Variants in ZNF10 observed in about 807,000 individuals in gnomAD.
The protein encoded by ZNF10 is zinc finger protein 10.
Under a neutral mutation model 12.2 loss-of-function variants are expected in ZNF10, and 8 were observed. The ratio of observed to expected loss-of-function variants is 0.66; its 90% CI spans 0.39 to 1.18. The LOEUF (loss-of-function observed/expected upper bound fraction) is 1.18, where lower values mean the gene tolerates loss of function less well. Among genes scored for constraint, ZNF10 ranks in the 50% most tolerant of loss-of-function variants. The pLI is 0.01. For synonymous variants in ZNF10, 229 were observed against 228.2 expected, an observed-to-expected ratio of 1.00 and a Z score of -0.03; for missense variants, 603 against 678.9, an observed-to-expected ratio of 0.89 and a Z score of 1.24.
At chr12:133,142,558 A>G (rs1288223237) in intron 1 of ZNF10, among the ~76,000 whole-genome samples, 1 of 152,226 alleles carries the variant, frequency 6.6e-6, no homozygotes, top group Non-Finnish European at 1.5e-5. Context: ...ACATTCCTGT[A>G]AAGAAGATAT....
At chr12:133,151,208 A>G (rs1425421866) in intron 3 of ZNF10, 54 bp downstream of exon 3, 4 of 1,560,724 alleles carry the variant, frequency 2.6e-6, no homozygotes, top group Non-Finnish European at 3.5e-6. Flanking sequence ...CAAAAGGTAC[A>G]GAGACCCTGA....
intron 1 of ZNF10, among the ~76,000 whole-genome samples, chr12:133,134,144 C>CAAAAAAAAAAAAAA (rs35470467): frequency 1.5e-5 from 1 of 68,066 alleles, no homozygotes; most frequent in African/African-American, 4.1e-5. Flanking sequence ...ACTAAAAATA[C>CAAAAAAAAAAAAAA]AAAAAAAAAA....
intron 1 of ZNF10, among the ~76,000 whole-genome samples, chr12:133,142,158 C>T (rs1408760492): frequency 3.3e-5 from 5 of 152,204 alleles, no homozygotes; most frequent in Non-Finnish European, 7.3e-5. Context: ...CGCGGTGGCT[C>T]ACGCCTGTAA....
chr12:133,150,594 A>G (rs1185594756), intron 2 of ZNF10, among the ~76,000 whole-genome samples: 2 of 151,662 alleles, frequency 1.3e-5, no homozygotes, highest in African/African-American at 2.4e-5. Context: ...GTACCTACCA[A>G]TAGTCATGAA....
At chr12:133,141,462 CTG>C (rs1287787018) in intron 1 of ZNF10, among the ~76,000 whole-genome samples, 1 of 151,912 alleles carries the variant, frequency 6.6e-6, no homozygotes, top group Non-Finnish European at 1.5e-5. Context: ...TTAGTTATAA[CTG>C]TATTTCGTAT....
At chr12:133,139,581 C>A (rs906391982) in intron 1 of ZNF10, among the ~76,000 whole-genome samples, 1 of 152,096 alleles carries the variant, frequency 6.6e-6, no homozygotes, top group African/African-American at 2.4e-5. Flanking sequence ...TGCAAACACT[C>A]ATTGGAGTGA....
At chr12:133,152,445 C>T in intron 4 of ZNF10, among the ~76,000 whole-genome samples, 1 of 152,126 alleles carries the variant, frequency 6.6e-6, no homozygotes, top group South Asian at 2.1e-4. Context: ...GATGGAGTTT[C>T]ACTCAGTCTC....
intron 1 of ZNF10, among the ~76,000 whole-genome samples, chr12:133,140,021 T>C (rs1270994882): frequency 6.6e-6 from 1 of 151,556 alleles, no homozygotes; most frequent in Non-Finnish European, 1.5e-5. Flanking sequence ...CTGGGCAACA[T>C]AGTGAGACCC....
rs555362034 is a variant in ZNF10 at position 133,152,036 on chromosome 12, C to G, written c.256+132C>G. On this transcript the variant is annotated intron_variant, in intron 4 of 4. Transcript: ENST00000248211. ...TGGGAAGACTGAGTTTATCTGGCCCCTGTTTCCCCACTGCCAGTCTTTACA... is the reference window on the plus strand; with the variant it reads ...TGGGAAGACTGAGTTTATCTGGCCCGTGTTTCCCCACTGCCAGTCTTTACA... The G allele has an allele frequency of 9.4e-6, 6 of 636,864 alleles. No individual in the cohort carries two copies. In the South Asian group the frequency reaches 9.6e-5, roughly 10 times the overall value. The allele number at this position is 636,864 out of a possible 1,614,324, so 39.5% of individuals were successfully genotyped here. A position where few individuals can be genotyped will look rare whatever the true frequency, so the allele number is the denominator to read the frequency against.
intron 1 of ZNF10, among the ~76,000 whole-genome samples, chr12:133,139,518 AG>A (rs1165950491): frequency 6.6e-6 from 1 of 152,226 alleles, no homozygotes; most frequent in Non-Finnish European, 1.5e-5. Context: ...GGAGACCAAA[AG>A]GGAATTTTAA....
At chr12:133,150,394 C>A (rs1459618791) in intron 2 of ZNF10, among the ~76,000 whole-genome samples, 2 of 152,222 alleles carry the variant, frequency 1.3e-5, no homozygotes, top group Non-Finnish European at 2.9e-5. Flanking sequence ...CATTATTCCA[C>A]TGTCTTCTGA....
chr12:133,150,217 G>A (rs1347657443), intron 2 of ZNF10, among the ~76,000 whole-genome samples: 1 of 152,122 alleles, frequency 6.6e-6, no homozygotes, highest in African/African-American at 2.4e-5. Flanking sequence ...CCTTCTGCCT[G>A]AAGAACTTCC....
intron 2 of ZNF10, among the ~76,000 whole-genome samples, chr12:133,147,336 C>G (rs940681540): frequency 6.6e-6 from 1 of 152,136 alleles, no homozygotes; most frequent in Non-Finnish European, 1.5e-5. Context: ...GCAAATTTTC[C>G]AAAGTGGTTG....
chr12:133,155,813 C>T lies in ZNF10; in HGVS notation c.567C>T (p.Asp189=). 1 of 1,613,806 alleles carries T rather than the reference C, an allele frequency of 6.2e-7. No individual in the cohort carries two copies. The highest frequency in any genetic ancestry group is 1.7e-4 in the Middle Eastern group (1 of 6,060). The change falls in exon 5 of 5, where the codon GAC becomes GAT. Residue 189 remains aspartate (D), a synonymous_variant. Transcript: ENST00000248211. ...TGAGAGAGTATTTCCATAAACGTGA[C>T]TCACATACTAAAAGTTTAAAACATG... ...LVLREYFHKR[D]SHTKSLKHDL... is the part of the protein sequence containing the mutation.
intron 4 of ZNF10, among the ~76,000 whole-genome samples, chr12:133,153,044 C>A (rs1206984287): frequency 6.6e-6 from 1 of 151,798 alleles, no homozygotes; most frequent in Non-Finnish European, 1.5e-5. Flanking sequence ...GTTATATTTT[C>A]TTTTTATTAC....
At chr12:133,154,120 G>GT (rs1023697495) in intron 4 of ZNF10, among the ~76,000 whole-genome samples, 40 of 147,518 alleles carry the variant, frequency 2.7e-4, no homozygotes, top group African/African-American at 1.0e-3. Context: ...TTTTGTCGGC[G>GT]GGGGGGATAC....
chr12:133,155,017 G>A (rs1214232518), intron 4 of ZNF10, among the ~76,000 whole-genome samples: 2 of 151,734 alleles, frequency 1.3e-5, no homozygotes, highest in Non-Finnish European at 2.9e-5. Context: ...GGCGGAGGTT[G>A]CATTGAGCCA....
At position 133,151,917 on chromosome 12, in the gene ZNF10, C is replaced by T; in HGVS notation, c.256+13C>T. ...GAGACCCATCCTGGTGAGGACCAGT[C>T]AAGAGTTGTCATAGGCAGCAGCCCA... On this transcript the variant is annotated intron_variant, in intron 4 of 4. Transcript: ENST00000248211. 6.2e-7 allele frequency: 1 copy of T among 1,609,434 alleles called. No homozygotes were observed. The highest frequency in any genetic ancestry group is 8.5e-7 in the Non-Finnish European group (1 of 1,176,364).
At chr12:133,155,009 C>T (rs1466975135) in intron 4 of ZNF10, among the ~76,000 whole-genome samples, 4 of 150,614 alleles carry the variant, frequency 2.7e-5, no homozygotes, top group Admixed American at 6.7e-5. Context: ...ACCTGGGAGG[C>T]GGAGGTTGCA....
Sources: gnomAD v4.1 joint callset for allele counts (sites outside exome capture counted in the v4.1 genomes callset) on GRCh38, gnomAD v4.1.1 for gene constraint, MANE v1.5 for transcripts, NCBI Gene and HGNC (gene_info 2026-07-23, HGNC 2026-07-21) for gene names.